INVS: variants seen among roughly 807,000 people sequenced by gnomAD.
The protein encoded by INVS is inversion of embryo turning homolog.
INVS carries 86 observed loss-of-function variants against 108.8 expected under a neutral mutation model. The ratio of observed to expected loss-of-function variants is 0.79; its 90% CI spans 0.66 to 0.95. INVS has a LOEUF of 0.95. INVS is among the 40% of genes least tolerant of loss of function. The pLI is 0.00. For synonymous variants in INVS, 455 were observed against 473.5 expected (o/e 0.96, Z 0.51); for missense variants, 1,169 against 1,297.4 (o/e 0.90, Z 1.52).
chr9:100,154,331 ATTTTTTTTTTTTTTTTTTTT>A (rs780090630), intron 3 of INVS, among the ~76,000 whole-genome samples: 1 of 68,580 alleles, frequency 1.5e-5, no homozygotes, highest in African/African-American at 7.7e-5. Flanking sequence ...CAACCGACTA[ATTTTTTTTTTTTTTTTTTTT>A]TTTTTTTTGT....
chr9:100,295,820 C>T (rs542052913), intron 14 of INVS, among the ~76,000 whole-genome samples: 1 of 152,332 alleles, frequency 6.6e-6, no homozygotes, highest in East Asian at 1.9e-4. Flanking sequence ...CCTGGGCTTC[C>T]CCCCAAGTTC....
At chr9:100,210,781 G>A (rs1173018378) in intron 3 of INVS, among the ~76,000 whole-genome samples, 3 of 151,956 alleles carry the variant, frequency 2.0e-5, no homozygotes, top group African/African-American at 4.8e-5. Flanking sequence ...TTGAATGAAT[G>A]GTTTAATTAG....
chr9:100,138,124 A>C (rs964239438), intron 3 of INVS, among the ~76,000 whole-genome samples: 1 of 152,220 alleles, frequency 6.6e-6, no homozygotes, highest in East Asian at 1.9e-4. Flanking sequence ...GTAACTCCTC[A>C]GCCAGGCATG....
Position 100,288,255 on chromosome 9 carries a change from C to A in INVS, c.2068+3652C>A, listed in dbSNP as rs111404758. Among the ~76,000 whole-genome samples the A allele has an allele frequency of 9.7e-3, 1,479 of 152,276 alleles. 24 individuals are homozygous for A. Among genetic ancestry groups the A allele is most frequent in the African/African-American group, 0.033 (1,387 of 41,550 alleles). On this transcript the variant is annotated intron_variant, in intron 13 of 16. Coordinates refer to ENST00000262457, the MANE Select transcript of INVS (RefSeq NM_014425.5). ...GGCTCTGCTCTCTGAGAAGTCCTTC[C>A]TTTTCCTAAGAAATGCCCATGTTTG...
Position 100,199,627 on chromosome 9 carries a change from A to G in INVS, c.274-26435A>G, listed in dbSNP as rs190312345. On this transcript the variant is annotated intron_variant, in intron 3 of 16. Transcript: ENST00000262457. ...ATACTATGCCTCAGAAAACTTAACT[A>G]TATCATTTTATTGTTTTCTGGTAGC... Among the ~76,000 whole-genome samples the G allele has an allele frequency of 3.5e-3, 528 of 152,242 alleles. 11 individuals are homozygous for G. The highest frequency in any genetic ancestry group is 9.6e-4 in the Non-Finnish European group (65 of 68,018).
At chr9:100,178,899 G>A (rs1394182153) in intron 3 of INVS, among the ~76,000 whole-genome samples, 19 of 152,140 alleles carry the variant, frequency 1.2e-4, no homozygotes, top group Admixed American at 9.8e-4. Flanking sequence ...GAAAGGTCAG[G>A]TTACCCACAA....
At chr9:100,111,743 G>A (rs754367026) in intron 2 of INVS, among the ~76,000 whole-genome samples, 21 of 152,118 alleles carry the variant, frequency 1.4e-4, no homozygotes, top group Non-Finnish European at 8.8e-5. Context: ...AACAAGTTGC[G>A]GTGTAGATTG....
chr9:100,194,153 A>G (rs1830306329), intron 3 of INVS, among the ~76,000 whole-genome samples: 1 of 152,232 alleles, frequency 6.6e-6, no homozygotes, highest in South Asian at 2.1e-4. Context: ...ACAGTTTTCC[A>G]AAGTGCTTGT....
intron 3 of INVS, among the ~76,000 whole-genome samples, chr9:100,135,592 C>A (rs991610357): frequency 2.6e-5 from 4 of 152,180 alleles, no homozygotes; most frequent in African/African-American, 9.7e-5. Context: ...AGATACCTAT[C>A]CTGTTTTACT....
In INVS at chr9:100,246,788, G is replaced by A. The variant is rs375416014; in HGVS notation, c.1078+1G>A. ...ATGGCTGACAAATATGGAGGTACAG[G>A]TGAGAACTGGTGGACACATTCAATT... On this transcript the variant is annotated splice_donor_variant, in intron 8 of 16. Coordinates refer to ENST00000262457, the MANE Select transcript of INVS (RefSeq NM_014425.5). LOFTEE classifies it high-confidence loss of function. 37 of 1,613,096 alleles carry A rather than the reference G, an allele frequency of 2.3e-5. No homozygotes were observed. Among genetic ancestry groups the A allele is most frequent in the Non-Finnish European group, 3.0e-5 (35 of 1,179,234 alleles).
chr9:100,210,904 C>T (rs1830810998), intron 3 of INVS, among the ~76,000 whole-genome samples: 2 of 150,798 alleles, frequency 1.3e-5, no homozygotes, highest in South Asian at 4.2e-4. Flanking sequence ...TGGGAACAGA[C>T]TTTTTTTTTA....
chr9:100,251,559 G>GTTTCT (rs1031937970), intron 8 of INVS, among the ~76,000 whole-genome samples: 1 of 152,128 alleles, frequency 6.6e-6, no homozygotes, highest in Non-Finnish European at 1.5e-5. Context: ...GCAAATTCCT[G>GTTTCT]TTTCTTTTCT....
chr9:100,127,218 T>A (rs137858322), intron 3 of INVS, among the ~76,000 whole-genome samples: 11 of 152,204 alleles, frequency 7.2e-5, no homozygotes, highest in Middle Eastern at 3.4e-3. Flanking sequence ...TTAATTAATT[T>A]AATTTAATTT....
In INVS at chr9:100,126,383, G is replaced by A. The variant is rs899388529; in HGVS notation, c.107G>A (p.Gly36Glu). The A allele has an allele frequency of 6.2e-7, 1 of 1,611,122 alleles. No individual in the cohort carries two copies. The highest frequency in any genetic ancestry group is 1.7e-5 in the Admixed American group (1 of 59,984). Residue 36 changes from glycine to glutamate, a missense_variant and splice_region_variant, in exon 3 of 17, where the codon GGA (glycine) becomes GAA (glutamate). This residue lies in a region of INVS where 365 missense variants were observed against 397.5 expected (regional missense o/e 0.92). Transcript: ENST00000262457. ...CACTATCTGTTTCTTATCCTTATAG[G>A]AAACTCTGCTCTTAAAGACAAAGAA... ...DKGALQRLIV[G>E]NSALKDKEDQ...
chr9:100,297,842 A>AG, intron 15 of INVS, 94 bp from the exon 16 acceptor site: 1 of 1,264,862 alleles, frequency 7.9e-7, no homozygotes, highest in Non-Finnish European at 1.2e-6. Context: ...CACACCTGCA[A>AG]GCTCAAGCCT....
rs1833377661 is a variant in INVS at position 100,284,560 on chromosome 9, T to C, written c.2025T>C (p.His675=). The C allele has an allele frequency of 1.2e-6, 2 of 1,613,876 alleles. No homozygotes were observed. Among genetic ancestry groups the C allele is most frequent in the African/African-American group, 1.3e-5 (1 of 75,066 alleles). ...GCGGAGCCCTCCAGAAGGAGCAGCA[T>C]GTTTCCTCAGATTTGCAGGGAACAA... ...SLGGALQKEQ[H]VSSDLQGTNS... The change falls in exon 13 of 17, where the codon CAT becomes CAC. Residue 675 remains histidine (H), a synonymous_variant. Transcript: ENST00000262457.
intron 3 of INVS, among the ~76,000 whole-genome samples, chr9:100,168,970 G>A (rs967193319): frequency 1.3e-5 from 2 of 152,166 alleles, no homozygotes; most frequent in South Asian, 2.1e-4. Flanking sequence ...GAAACTTTAT[G>A]AGAGAAATTG....
chr9:100,186,716 G>GT (rs1487882334), intron 3 of INVS, among the ~76,000 whole-genome samples: 2 of 152,044 alleles, frequency 1.3e-5, no homozygotes, highest in African/African-American at 4.8e-5. Flanking sequence ...GATTATTTGG[G>GT]TTTTTTCCTT....
chr9:100,252,830 A>ATTGT, intron 9 of INVS, 77 bp from the exon 10 acceptor site: 1 of 978,634 alleles, frequency 1.0e-6, no homozygotes, highest in Non-Finnish European at 1.6e-6. Flanking sequence ...TTAAGGAACA[A>ATTGT]TTGTTTTTTC....
Sources: gnomAD v4.1 joint callset for allele counts (sites outside exome capture counted in the v4.1 genomes callset) on GRCh38, gnomAD v4.1.1 for gene constraint, gnomAD v4.1.1 regional missense constraint, MANE v1.5 for transcripts, NCBI Gene and HGNC (gene_info 2026-07-23, HGNC 2026-07-21) for gene names.